Variants in ANO4 observed in about 807,000 individuals in gnomAD.
ANO4 encodes the protein anoctamin-4.
A neutral mutation model predicts 141.9 loss-of-function variants in ANO4; 69 were observed. The observed-to-expected ratio is 0.49, with a 90% CI of 0.40 to 0.59. The LOEUF (loss-of-function observed/expected upper bound fraction) is 0.59, where lower values mean the gene tolerates loss of function less well. Ranked by LOEUF, ANO4 falls within the 20% of genes least tolerant of loss-of-function variation. The pLI is 0.00. For missense variants in ANO4, 894 were observed against 1,162.2 expected (o/e 0.77, Z 3.36); for synonymous variants, 350 against 394.3 (o/e 0.89, Z 1.33).
At position 101,112,581 on chromosome 12, in the gene ANO4, G is replaced by T. The variant is rs568124773; in HGVS notation, c.2450+871G>T. On this transcript the variant is annotated intron_variant, in intron 24 of 27. Transcript: ENST00000392977. The stretch of plus-strand genomic sequence containing the variant: ...ACCCAGAAATCACCCTACATGGGCT[G>T]CTGTCTACTTATACAAGCAGCCCTG... Among the ~76,000 whole-genome samples the T allele has an allele frequency of 1.0e-3, 159 of 152,144 alleles. 2 individuals carry two copies. Among genetic ancestry groups the T allele is most frequent in the Non-Finnish European group, 1.7e-3 (117 of 68,012 alleles).
At chr12:100,828,470 T>C (rs2036475384) in intron 1 of ANO4, among the ~76,000 whole-genome samples, 1 of 152,060 alleles carries the variant, frequency 6.6e-6, no homozygotes, top group African/African-American at 2.4e-5. Context: ...TGTCTGTGGG[T>C]GTTGGAAAAA....
chr12:100,745,766 G>A (rs2032074236), intron 3 of ANO4, among the ~76,000 whole-genome samples: 1 of 152,186 alleles, frequency 6.6e-6, no homozygotes, highest in Non-Finnish European at 1.5e-5. Flanking sequence ...ATGACTGAAA[G>A]TTTCCCCAGA....
intron 2 of ANO4, among the ~76,000 whole-genome samples, chr12:100,913,820 G>A (rs774928379): frequency 1.8e-4 from 28 of 152,314 alleles, no homozygotes; most frequent in Non-Finnish European, 3.7e-4. Context: ...ACAGGCCGAT[G>A]CACAAGAGGG....
intron 22 of ANO4, among the ~76,000 whole-genome samples, chr12:101,106,391 A>G (rs1432995896): frequency 1.3e-5 from 2 of 152,036 alleles, no homozygotes; most frequent in African/African-American, 4.8e-5. Flanking sequence ...AATATAAAAC[A>G]GTTAAAAGTT....
intron 9 of ANO4, among the ~76,000 whole-genome samples, chr12:101,023,788 A>G (rs2046627915): frequency 6.6e-6 from 1 of 152,250 alleles, no homozygotes; most frequent in South Asian, 2.1e-4. Context: ...GCTGAAAAAC[A>G]TGGAGCAAAA....
intron 1 of ANO4, among the ~76,000 whole-genome samples, chr12:100,837,633 T>G (rs1447513815): frequency 6.7e-6 from 1 of 149,762 alleles, no homozygotes; most frequent in Non-Finnish European, 1.5e-5. Flanking sequence ...AATAAAAAAG[T>G]GCTCTCTCCC....
intron 1 of ANO4, among the ~76,000 whole-genome samples, chr12:100,808,294 T>C (rs1310246537): frequency 1.3e-5 from 2 of 152,208 alleles, no homozygotes; most frequent in Non-Finnish European, 2.9e-5. Context: ...TTGATTTGCA[T>C]TTATCTAATG....
intron 5 of ANO4, 37 bp from the exon 6 acceptor site, chr12:100,971,269 A>G: frequency 6.8e-7 from 1 of 1,463,540 alleles, no homozygotes; most frequent in Non-Finnish European, 9.5e-7. Flanking sequence ...GGAGCCTTGA[A>G]TATACTTTTC....
At chr12:100,827,378 A>G (rs1361673849) in intron 1 of ANO4, among the ~76,000 whole-genome samples, 1 of 151,976 alleles carries the variant, frequency 6.6e-6, no homozygotes, top group African/African-American at 2.4e-5. Flanking sequence ...TTTTTCATTG[A>G]TATTTTTCCT....
At chr12:101,115,429 G>A (rs894912316) in intron 24 of ANO4, among the ~76,000 whole-genome samples, 3 of 151,872 alleles carry the variant, frequency 2.0e-5, no homozygotes, top group Non-Finnish European at 4.4e-5. Flanking sequence ...CTCCAGCAAT[G>A]AGCAACAGAG....
At chr12:100,725,598 G>A (rs886259995) in intron 1 of ANO4, among the ~76,000 whole-genome samples, 2 of 151,944 alleles carry the variant, frequency 1.3e-5, no homozygotes, top group East Asian at 1.9e-4. Context: ...CACCCGCCTC[G>A]GCCTCCCAAA....
At chr12:101,114,686 C>T (rs773292002) in intron 24 of ANO4, among the ~76,000 whole-genome samples, 3 of 151,874 alleles carry the variant, frequency 2.0e-5, no homozygotes, top group Non-Finnish European at 4.4e-5. Context: ...GTTCCCAGAA[C>T]ACCTTTCCCT....
intron 8 of ANO4, among the ~76,000 whole-genome samples, chr12:100,998,782 C>G (rs912761555): frequency 6.6e-6 from 1 of 151,656 alleles, no homozygotes. Flanking sequence ...TAGAGTCAGT[C>G]ATTCCAGGAG....
intron 1 of ANO4, among the ~76,000 whole-genome samples, chr12:100,724,516 A>G (rs1039398909): frequency 2.0e-5 from 3 of 152,250 alleles, no homozygotes; most frequent in Non-Finnish European, 2.9e-5. Context: ...GAAGTGGCAC[A>G]TAATAAATGA....
At chr12:101,032,951 A>G (rs1420422208) in intron 9 of ANO4, among the ~76,000 whole-genome samples, 2 of 152,006 alleles carry the variant, frequency 1.3e-5, no homozygotes, top group East Asian at 3.9e-4. Context: ...CATTTGACCC[A>G]GCCATCCCAT....
In ANO4 at chr12:100,964,318, G is replaced by A. The variant is rs1313393688; in HGVS notation, c.457-6988G>A. Among the ~76,000 whole-genome samples, 3 of 152,182 alleles carry A rather than the reference G, an allele frequency of 2.0e-5. No individual in the cohort carries two copies. In the East Asian group the frequency reaches 5.8e-4, roughly 29 times the overall value. ...TTCTTTGTGCTTTAGTTCCTCATTT[G>A]CAATAAATTAGAATAATAATAATAC... On this transcript the variant is annotated intron_variant, in intron 5 of 27. Coordinates refer to ENST00000392977, the MANE Select transcript of ANO4 (RefSeq NM_001286615.2).
chr12:100,956,107 A>T (rs1371384276), intron 5 of ANO4, among the ~76,000 whole-genome samples: 2 of 152,248 alleles, frequency 1.3e-5, no homozygotes, highest in South Asian at 2.1e-4. Context: ...TTTTATAGTA[A>T]TTTTTTTCCA....
chr12:100,937,927 T>C (rs1470789715), intron 3 of ANO4, among the ~76,000 whole-genome samples: 1 of 152,212 alleles, frequency 6.6e-6, no homozygotes, highest in African/African-American at 2.4e-5. Flanking sequence ...CAGGCCTACC[T>C]ATATACTCTA....
At position 101,042,398 on chromosome 12, in the gene ANO4, T is replaced by C. The variant is rs2047442927; in HGVS notation, c.1084T>C (p.Phe362Leu). 2.5e-6 allele frequency: 4 copies of C among 1,614,080 alleles called. No homozygotes were observed. The highest frequency in any genetic ancestry group is 3.4e-6 in the Non-Finnish European group (4 of 1,180,016). The change falls in exon 12 of 28, where the codon TTC becomes CTC. Residue 362 changes from phenylalanine (F) to leucine (L), a missense_variant. By Grantham distance (22) the Phe-to-Leu change is conservative. Transcript: ENST00000392977. ...GTTGGGCTGGTACACCGGCATGCTC[T>C]TCCCAGCTGCCTTCATTGGATTGTT... Reference protein sequence around the residue: ...AWLGWYTGMLFPAAFIGLFVF... With the variant: ...AWLGWYTGMLLPAAFIGLFVF...
Sources: gnomAD v4.1 joint callset for allele counts (sites outside exome capture counted in the v4.1 genomes callset) on GRCh38, gnomAD v4.1.1 for gene constraint, MANE v1.5 for transcripts, NCBI Gene and HGNC (gene_info 2026-07-23, HGNC 2026-07-21) for gene names.